BBS9: variants seen among roughly 807,000 people sequenced by gnomAD.
BBS9 encodes the protein Bardet-Biedl syndrome 9.
Under a neutral mutation model 117.7 loss-of-function variants are expected in BBS9, and 89 were observed. The observed-to-expected ratio is 0.76, with a 90% CI of 0.64 to 0.90. BBS9 has a LOEUF of 0.90. Ranked by LOEUF, BBS9 falls within the 40% of genes least tolerant of loss-of-function variation. The pLI is 0.00. For missense variants in BBS9, 982 were observed against 1,042.2 expected, an observed-to-expected ratio of 0.94 and a Z score of 0.80; for synonymous variants, 379 against 370.9, an observed-to-expected ratio of 1.02 and a Z score of -0.25.
At chr7:33,521,578 T>C (rs1245850298) in intron 20 of BBS9, among the ~76,000 whole-genome samples, 1 of 152,292 alleles carries the variant, frequency 6.6e-6, no homozygotes, top group African/African-American at 2.4e-5. Flanking sequence ...TGGAATTTTC[T>C]TCATTTTATG....
intron 21 of BBS9, among the ~76,000 whole-genome samples, chr7:33,573,321 A>C (rs1858157673): frequency 6.6e-6 from 1 of 152,130 alleles, no homozygotes; most frequent in African/African-American, 2.4e-5. Flanking sequence ...GTGGACAGGA[A>C]AAACGTACGA....
chr7:33,456,612 C>G (rs1323320274), intron 19 of BBS9, among the ~76,000 whole-genome samples: 4 of 151,676 alleles, frequency 2.6e-5, no homozygotes, highest in African/African-American at 7.3e-5. Flanking sequence ...ATTTTTTCCC[C>G]TCTCCCCTAA....
At chr7:33,310,689 G>A (rs962053303) in intron 9 of BBS9, among the ~76,000 whole-genome samples, 5 of 152,196 alleles carry the variant, frequency 3.3e-5, no homozygotes, top group Admixed American at 1.3e-4. Context: ...ATTTTTGAAT[G>A]TCATAACCGG....
At chr7:33,308,471 G>A (rs1409199615) in intron 9 of BBS9, among the ~76,000 whole-genome samples, 1 of 152,206 alleles carries the variant, frequency 6.6e-6, no homozygotes, top group Admixed American at 6.5e-5. Flanking sequence ...TTTTACTGGA[G>A]TGTACTAACA....
At chr7:33,437,338 G>A (rs1302046901) in intron 19 of BBS9, among the ~76,000 whole-genome samples, 1 of 152,126 alleles carries the variant, frequency 6.6e-6, no homozygotes, top group Admixed American at 6.5e-5. Context: ...TCCAAACAGC[G>A]ACCTGAGAGT....
At chr7:33,425,301 T>C (rs1833494686) in intron 19 of BBS9, among the ~76,000 whole-genome samples, 1 of 152,224 alleles carries the variant, frequency 6.6e-6, no homozygotes. Context: ...TCATTACTTA[T>C]TTTAAAGTAT....
chr7:33,412,102 G>A (rs1324662642), intron 19 of BBS9, among the ~76,000 whole-genome samples: 2 of 152,102 alleles, frequency 1.3e-5, no homozygotes, highest in East Asian at 1.9e-4. Flanking sequence ...AATAGGAACT[G>A]TATAGCTCAA....
chr7:33,351,129 G>A, intron 13 of BBS9, 90 bp from the exon 14 acceptor site: 1 of 788,970 alleles, frequency 1.3e-6, no homozygotes, highest in Non-Finnish European at 2.2e-6. Flanking sequence ...ACAGTACCTG[G>A]CATGTGGTGA....
At chr7:33,616,681 G>GT (rs201669965) in intron 21 of BBS9, among the ~76,000 whole-genome samples, 21 of 151,022 alleles carry the variant, frequency 1.4e-4, no homozygotes, top group Non-Finnish European at 1.9e-4. Flanking sequence ...GTCACTTTGG[G>GT]TTTTTTTTCA....
chr7:33,227,370 A>G (rs1310123731), intron 5 of BBS9, among the ~76,000 whole-genome samples: 3 of 151,414 alleles, frequency 2.0e-5, no homozygotes, highest in Non-Finnish European at 4.4e-5. Context: ...CTAGTCTCAA[A>G]CTCTTGACCT....
intron 21 of BBS9, among the ~76,000 whole-genome samples, chr7:33,585,770 A>G (rs566323820): frequency 6.6e-6 from 1 of 152,086 alleles, no homozygotes; most frequent in Non-Finnish European, 1.5e-5. Context: ...TGGATTATCT[A>G]AAGTGTAGAT....
chr7:33,452,742 A>G (rs1838074870), intron 19 of BBS9, among the ~76,000 whole-genome samples: 1 of 152,232 alleles, frequency 6.6e-6, no homozygotes. Context: ...TATTATGGGA[A>G]CACACTGTAG....
chr7:33,152,715 G>T lies in BBS9; in HGVS notation c.127G>T (p.Gly43Cys). ...ATTCTCTACAGATAAAATAATTGTG[G>T]GTAGCTTTATGGGATACCTAAGGAT... ...SGNGQDKIIVGSFMGYLRIFS... is the reference protein window; with the variant it reads ...SGNGQDKIIVCSFMGYLRIFS... The change falls in exon 3 of 23, where the codon GGT (glycine) becomes TGT (cysteine). Residue 43 changes from glycine to cysteine, a missense_variant. Gly to Cys is a radical substitution (Grantham distance 159). Transcript: ENST00000242067. 4 of 1,612,254 alleles carry T rather than the reference G, an allele frequency of 2.5e-6. No individual in the cohort carries two copies. The highest frequency in any genetic ancestry group is 2.5e-6 in the Non-Finnish European group (3 of 1,179,274).
intron 19 of BBS9, among the ~76,000 whole-genome samples, chr7:33,478,501 A>G (rs760429878): frequency 1.3e-5 from 2 of 152,236 alleles, no homozygotes; most frequent in South Asian, 2.1e-4. Context: ...TGTAAGGTGC[A>G]GTAGAGTTAA....
intron 21 of BBS9, among the ~76,000 whole-genome samples, chr7:33,616,181 GATA>G (rs1348851061): frequency 2.0e-4 from 29 of 145,454 alleles, no homozygotes; most frequent in African/African-American, 6.5e-4. Flanking sequence ...TGATCTAACA[GATA>G]ATGTTTATTC....
At chr7:33,260,635 A>G (rs1797830746) in intron 6 of BBS9, among the ~76,000 whole-genome samples, 1 of 152,220 alleles carries the variant, frequency 6.6e-6, no homozygotes, top group Non-Finnish European at 1.5e-5. Flanking sequence ...TGTGCCATAC[A>G]CTGTGCAAGG....
chr7:33,344,670 A>G, intron 12 of BBS9, 36 bp downstream of exon 12: 1 of 1,582,988 alleles, frequency 6.3e-7, no homozygotes, highest in Non-Finnish European at 8.7e-7. Flanking sequence ...ATGTGCAAAC[A>G]ATATGATTTA....
At chr7:33,587,792 G>C (rs996881430) in intron 21 of BBS9, among the ~76,000 whole-genome samples, 1 of 152,122 alleles carries the variant, frequency 6.6e-6, no homozygotes, top group Non-Finnish European at 1.5e-5. Flanking sequence ...ATTTATGCTA[G>C]TAAAGAGTTA....
At chr7:33,150,971 T>G (rs1429758134) in intron 2 of BBS9, among the ~76,000 whole-genome samples, 1 of 152,196 alleles carries the variant, frequency 6.6e-6, no homozygotes, top group Non-Finnish European at 1.5e-5. Flanking sequence ...TCTTACTGTT[T>G]TGTACCGCAT....
Sources: allele counts gnomAD v4.1 joint callset (sites outside exome capture counted in the v4.1 genomes callset), GRCh38; gene constraint gnomAD v4.1.1; transcripts MANE v1.5; gene names NCBI Gene and HGNC (gene_info 2026-07-23, HGNC 2026-07-21).